MAP6: variants seen among roughly 807,000 people sequenced by gnomAD.
MAP6 encodes the protein microtubule associated protein 6, also known as microtubule-associated protein 6.
In MAP6, 26 loss-of-function variants were observed where a neutral mutation model predicts 42.4. That is an observed-to-expected ratio of 0.61 (90% CI 0.45 to 0.85). The LOEUF is 0.85. Among genes scored for constraint, MAP6 ranks in the 40% least tolerant of loss-of-function variants. The pLI, the probability that MAP6 is intolerant of heterozygous loss-of-function variation, is 0.00. For missense variants in MAP6, 966 were observed against 1,099.0 expected (o/e 0.88, Z 1.71); for synonymous variants, 418 against 443.8 (o/e 0.94, Z 0.73).
At chr11:75,595,843 T>G (rs999340696) in intron 3 of MAP6, among the ~76,000 whole-genome samples, 3 of 150,306 alleles carry the variant, frequency 2.0e-5, no homozygotes, top group Non-Finnish European at 3.0e-5. Flanking sequence ...TCTTTCCCTC[T>G]CTCCCTCCCC....
rs1231128 is a variant in MAP6 at position 75,587,752 on chromosome 11, A to G, written c.1749T>C (p.Asp583=). The G allele has an allele frequency of 0.32, 521,377 of 1,613,716 alleles. 88,516 individuals are homozygous for G. The highest frequency in any genetic ancestry group is 0.58 in the Admixed American group (34,919 of 59,992). The change falls in exon 4 of 4, where the codon GAT becomes GAC. Residue 583 remains aspartate, a synonymous_variant. Transcript: ENST00000304771. The part of the protein sequence containing the change: ...QAPMVPAPVK[D]EGPMVSASVK... ...CAGATGCTGAGACCATGGGACCTTC[A>G]TCCTTGACAGGTGCTGGGACCATAG...
chr11:75,610,528 T>A (rs1260574658), intron 1 of MAP6, among the ~76,000 whole-genome samples: 1 of 152,168 alleles, frequency 6.6e-6, no homozygotes, highest in Non-Finnish European at 1.5e-5. Context: ...GGGAAGGGCA[T>A]AAGAGGCTAG....
chr11:75,638,830 A>G (rs1590793371), intron 1 of MAP6, among the ~76,000 whole-genome samples: 1 of 152,226 alleles, frequency 6.6e-6, no homozygotes, highest in East Asian at 1.9e-4. Flanking sequence ...AAAAGAAACC[A>G]TGATATAAAA....
At chr11:75,629,471 C>A (rs1565268575) in intron 1 of MAP6, among the ~76,000 whole-genome samples, 1 of 152,188 alleles carries the variant, frequency 6.6e-6, no homozygotes, top group African/African-American at 2.4e-5. Flanking sequence ...AGGGTGGGAG[C>A]TTTTCTGGCA....
In MAP6 at chr11:75,602,864, G is replaced by A. The variant is rs1012206380; in HGVS notation, c.1316+2944C>T. The A allele has an allele frequency of 1.5e-5, 15 of 985,436 alleles. No individual in the cohort carries two copies. In the African/African-American group the frequency reaches 2.4e-4, roughly 16 times the overall value. The allele number at this position is 985,436 out of a possible 1,614,324, so 61.0% of individuals were successfully genotyped here. A position where few individuals can be genotyped will look rare whatever the true frequency, so the allele number is the denominator to read the frequency against. On this transcript the variant is annotated intron_variant, in intron 3 of 3. Coordinates refer to ENST00000304771, the MANE Select transcript of MAP6 (RefSeq NM_033063.2). ...AAGGAAATAAGATCAAGAAAGTGGT[G>A]TTCGTCTTTAGCATTTATTTATAAT... is the stretch of plus-strand genomic sequence containing the variant.
At chr11:75,647,572 GA>G (rs1262829596) in intron 1 of MAP6, among the ~76,000 whole-genome samples, 1 of 151,790 alleles carries the variant, frequency 6.6e-6, no homozygotes, top group African/African-American at 2.4e-5. Context: ...AATGATAACA[GA>G]AAAAAACTCA....
intron 1 of MAP6, among the ~76,000 whole-genome samples, chr11:75,619,545 C>T (rs1255476393): frequency 1.3e-5 from 2 of 152,190 alleles, no homozygotes; most frequent in South Asian, 2.1e-4. Flanking sequence ...GTGTGCTGTA[C>T]CCCTCTATGT....
chr11:75,621,681 T>C (rs1943113822), intron 1 of MAP6, among the ~76,000 whole-genome samples: 1 of 108,442 alleles, frequency 9.2e-6, no homozygotes, highest in African/African-American at 3.7e-5. Context: ...GTTAAAGGCA[T>C]ACAGATTAGA....
intron 1 of MAP6, among the ~76,000 whole-genome samples, chr11:75,616,512 T>G (rs1942996484): frequency 6.6e-6 from 1 of 152,234 alleles, no homozygotes; most frequent in South Asian, 2.1e-4. Context: ...ATCTCCTTCG[T>G]GCACTCTGAT....
chr11:75,650,040 G>C (rs1406823615), intron 1 of MAP6, among the ~76,000 whole-genome samples: 2 of 152,180 alleles, frequency 1.3e-5, no homozygotes, highest in African/African-American at 4.8e-5. Flanking sequence ...TTGGCCATGA[G>C]CTCCCTCCCT....
intron 1 of MAP6, among the ~76,000 whole-genome samples, chr11:75,666,203 C>G (rs1430919551): frequency 6.6e-6 from 1 of 152,100 alleles, no homozygotes; most frequent in Non-Finnish European, 1.5e-5. Flanking sequence ...AGATCTTCCC[C>G]GAGAGACCCC....
chr11:75,609,452 C>T (rs678874), intron 1 of MAP6, among the ~76,000 whole-genome samples: 104,481 of 152,046 alleles, frequency 0.69, 36,062 homozygotes, highest in South Asian at 0.77. Flanking sequence ...GAGAGGAGTG[C>T]CAGGAACAAG....
chr11:75,657,713 C>A (rs1943774813), intron 1 of MAP6, among the ~76,000 whole-genome samples: 1 of 152,176 alleles, frequency 6.6e-6, no homozygotes, highest in Admixed American at 6.5e-5. Context: ...CTTTCTTTGC[C>A]TTTGCCAGCT....
chr11:75,649,776 T>C (rs545882461), intron 1 of MAP6, among the ~76,000 whole-genome samples: 2 of 152,204 alleles, frequency 1.3e-5, no homozygotes, highest in East Asian at 3.9e-4. Flanking sequence ...CCTGCCCTCG[T>C]GATCCACCCA....
At chr11:75,590,845 T>C (rs1451518980) in intron 3 of MAP6, among the ~76,000 whole-genome samples, 1 of 152,092 alleles carries the variant, frequency 6.6e-6, no homozygotes, top group Admixed American at 6.5e-5. Context: ...CAGGTGCCTG[T>C]AGTCCCAGCT....
At chr11:75,591,384 C>T (rs557726922) in intron 3 of MAP6, among the ~76,000 whole-genome samples, 116 of 152,328 alleles carry the variant, frequency 7.6e-4, no homozygotes, top group African/African-American at 2.7e-3. Context: ...TTTCTATGCA[C>T]GAAACTGCAC....
chr11:75,606,993 C>T (rs950881277), intron 2 of MAP6, among the ~76,000 whole-genome samples: 8 of 152,338 alleles, frequency 5.3e-5, no homozygotes, highest in Non-Finnish European at 8.8e-5. Flanking sequence ...TAACCCCATG[C>T]CCCGGGTGCC....
At chr11:75,643,645 A>T (rs1312646297) in intron 1 of MAP6, among the ~76,000 whole-genome samples, 1 of 152,186 alleles carries the variant, frequency 6.6e-6, no homozygotes, top group Non-Finnish European at 1.5e-5. Flanking sequence ...AAGGCTCTTG[A>T]CTGTATATTG....
At chr11:75,641,895 G>A (rs1335189650) in intron 1 of MAP6, among the ~76,000 whole-genome samples, 2 of 152,332 alleles carry the variant, frequency 1.3e-5, no homozygotes, top group South Asian at 2.1e-4. Flanking sequence ...TGGTCTGCAA[G>A]TCTATTTTAG....
Sources: allele counts gnomAD v4.1 joint callset (sites outside exome capture counted in the v4.1 genomes callset), GRCh38; gene constraint gnomAD v4.1.1; transcripts MANE v1.5; gene names NCBI Gene and HGNC (gene_info 2026-07-23, HGNC 2026-07-21).